The following PRR14L variants were observed in gnomAD, a reference collection of about 807,000 sequenced individuals.
PRR14L encodes protein PRR14L.
A neutral mutation model predicts 155.0 loss-of-function variants in PRR14L; 80 were observed. That is an observed-to-expected ratio of 0.52 (90% confidence interval 0.43 to 0.62). The LOEUF (loss-of-function observed/expected upper bound fraction) is 0.62, where lower values mean the gene tolerates loss of function less well. Among genes scored for constraint, PRR14L ranks in the 20% least tolerant of loss-of-function variants. The pLI is 0.00. For missense variants in PRR14L, 2,469 were observed against 2,548.0 expected (o/e 0.97, Z 0.67); for synonymous variants, 883 against 916.0 (o/e 0.96, Z 0.65).
chr22:31,735,824 G>A (rs1021916118), intron 2 of PRR14L, among the ~76,000 whole-genome samples: 2 of 151,704 alleles, frequency 1.3e-5, no homozygotes, highest in African/African-American at 2.4e-5. Context: ...TGAGGTGGGC[G>A]GATCACCTGA....
intron 1 of PRR14L, among the ~76,000 whole-genome samples, chr22:31,748,241 G>A (rs1219215225): frequency 6.6e-6 from 1 of 152,176 alleles, no homozygotes; most frequent in African/African-American, 2.4e-5. Context: ...TGGAGAATGG[G>A]CCTCTTCTTG....
Position 31,713,368 on chromosome 22 carries a change from C to A in PRR14L, c.4471G>T (p.Ala1491Ser), listed in dbSNP as rs1339906238. The change falls in exon 4 of 9, where the codon GCC becomes TCC. Residue 1491 changes from alanine to serine, a missense_variant. Physicochemically the swap from Ala to Ser is moderately conservative, Grantham distance 99. Around this residue, in one of 2 missense-constraint regions of PRR14L, gnomAD observed 2,363 missense variants for 2,371.6 expected, o/e 1.00. Transcript: ENST00000327423. ...ESCTSPCLLG[A>S]PRKAQDPSSA... ...GAGGGGTCTTGTGCTTTCCGAGGGG[C>A]ACCAAGAAGGCAAGGACTTGTGCAT... 3.2e-6 allele frequency: 5 copies of A among 1,552,140 alleles called. No individual in the cohort carries two copies. The highest frequency in any genetic ancestry group is 4.4e-6 in the Non-Finnish European group (5 of 1,147,088).
intron 8 of PRR14L, 141 bp from the exon 9 acceptor site, chr22:31,685,944 T>C: frequency 1.3e-6 from 1 of 747,366 alleles, no homozygotes; most frequent in Non-Finnish European, 2.1e-6. Flanking sequence ...TCTTTTTCTT[T>C]TTTTTGTGAG....
At chr22:31,728,614 A>G (rs982953273) in intron 2 of PRR14L, among the ~76,000 whole-genome samples, 3 of 151,718 alleles carry the variant, frequency 2.0e-5, no homozygotes, top group Non-Finnish European at 2.9e-5. Context: ...ATCTCGAAAA[A>G]AAAAAAAAAA....
chr22:31,691,878 T>A (rs1371416658), intron 7 of PRR14L, among the ~76,000 whole-genome samples: 10 of 152,120 alleles, frequency 6.6e-5, no homozygotes, highest in African/African-American at 9.7e-5. Flanking sequence ...ATTCCTTTTT[T>A]TTTTTTTGAG....
intron 3 of PRR14L, among the ~76,000 whole-genome samples, chr22:31,719,553 A>T (rs2074679226): frequency 6.6e-6 from 1 of 152,244 alleles, no homozygotes; most frequent in Admixed American, 6.5e-5. Flanking sequence ...GCACAAGAGC[A>T]CTTAATAAAT....
intron 3 of PRR14L, among the ~76,000 whole-genome samples, chr22:31,724,793 C>G (rs1175692785): frequency 6.6e-6 from 1 of 152,148 alleles, no homozygotes; most frequent in Non-Finnish European, 1.5e-5. Flanking sequence ...CTTACCTCAG[C>G]TACTCTCTTT....
rs146744723 is a variant in PRR14L, at chr22:31,715,232, T to G, written c.2607A>C (p.Gly869=). 75 of 1,552,350 alleles carry G rather than the reference T, an allele frequency of 4.8e-5. 2 individuals are homozygous for G. The African/African-American group carries it at 7.1e-4, about 15-fold the overall frequency. ...DGKETNGSLP[G]DKIRNKMVAG... ...CTACCATTTTGTTTCTGATCTTATC[T>G]CCTGGAAGGCTGCCATTCGTTTCTT... The change falls in exon 4 of 9, where the codon GGA becomes GGC. Residue 869 remains glycine, a synonymous_variant. Coordinates refer to ENST00000327423, the MANE Select transcript of PRR14L (RefSeq NM_173566.3).
At chr22:31,743,231 G>C (rs2074821732) in intron 1 of PRR14L, among the ~76,000 whole-genome samples, 1 of 152,140 alleles carries the variant, frequency 6.6e-6, no homozygotes, top group Non-Finnish European at 1.5e-5. Flanking sequence ...GAACCTGGGA[G>C]GCAGAGGGTG....
chr22:31,704,571 G>A (rs2074579640), intron 5 of PRR14L, 84 bp downstream of exon 5: 4 of 1,080,278 alleles, frequency 3.7e-6, no homozygotes, highest in Admixed American at 1.9e-5. Context: ...TGCCACAGAC[G>A]ATCCACACCA....
intron 7 of PRR14L, among the ~76,000 whole-genome samples, chr22:31,698,840 T>A (rs1487790183): frequency 1.3e-5 from 2 of 150,114 alleles, no homozygotes; most frequent in Non-Finnish European, 3.0e-5. Context: ...GAGAATGGCG[T>A]GAACCTGGGA....
At chr22:31,742,462 G>T (rs978879985) in intron 1 of PRR14L, among the ~76,000 whole-genome samples, 12 of 151,782 alleles carry the variant, frequency 7.9e-5, no homozygotes, top group African/African-American at 2.9e-4. Context: ...CTGCCTCCCA[G>T]GTTCAAGGAT....
chr22:31,717,857 T>C (rs565101819), intron 3 of PRR14L, among the ~76,000 whole-genome samples: 77 of 152,072 alleles, frequency 5.1e-4, no homozygotes, highest in Non-Finnish European at 1.1e-3. Flanking sequence ...ACCTCTCAGC[T>C]CAAGCAATTT....
At chr22:31,691,052 A>G (rs1219693469) in intron 7 of PRR14L, among the ~76,000 whole-genome samples, 1 of 148,704 alleles carries the variant, frequency 6.7e-6, no homozygotes, top group Non-Finnish European at 1.5e-5. Context: ...CAACATCCGC[A>G]TTCCGGGTTC....
At chr22:31,735,855 C>A (rs554769674) in intron 2 of PRR14L, among the ~76,000 whole-genome samples, 2 of 151,862 alleles carry the variant, frequency 1.3e-5, no homozygotes, top group South Asian at 2.1e-4. Flanking sequence ...TCGAGACCAG[C>A]CTGACCAACA....
chr22:31,701,815 A>G lies in PRR14L; in HGVS notation c.6001-53T>C. 2.1e-6 allele frequency: 3 copies of G among 1,445,178 alleles called. No homozygotes were observed. In the South Asian group the frequency reaches 3.5e-5, roughly 17 times the overall value. 89.5% of individuals were successfully genotyped at this position (1,445,178 alleles called of 1,614,324 possible). ...GGTCAAGCTGTAAGACATTTTATTTATATATTTTTTGAGACAAGGTCTCAC... is the reference window on the plus strand; with the variant it reads ...GGTCAAGCTGTAAGACATTTTATTTGTATATTTTTTGAGACAAGGTCTCAC... On this transcript the variant is annotated intron_variant, in intron 6 of 8. Transcript: ENST00000327423.
Position 31,716,867 on chromosome 22 carries a change from A to G in PRR14L, c.972T>C (p.Ser324=), listed in dbSNP as rs757768851. The G allele has an allele frequency of 7.8e-5, 121 of 1,551,258 alleles. No homozygotes were observed. The highest frequency in any genetic ancestry group is 7.3e-5 in the Non-Finnish European group (84 of 1,146,870). ...QLHGHHNEQP[S]STHDSPTATS... ...TGGCTGTGGGACTATCATGTGTAGA[A>G]CTGGGTTGTTCATTATGGTGGCCAT... The change falls in exon 4 of 9, where the codon AGT becomes AGC. Residue 324 remains serine, a synonymous_variant. Coordinates refer to ENST00000327423, the MANE Select transcript of PRR14L (RefSeq NM_173566.3).
intron 6 of PRR14L, 80 bp downstream of exon 6, chr22:31,703,470 G>GT: frequency 7.4e-7 from 1 of 1,353,848 alleles, no homozygotes; most frequent in Non-Finnish European, 1.0e-6. Flanking sequence ...AAGCCAGTCT[G>GT]TAGCTATAAT....
chr22:31,698,986 T>C (rs896680037), intron 7 of PRR14L, among the ~76,000 whole-genome samples: 1 of 152,130 alleles, frequency 6.6e-6, no homozygotes, highest in Admixed American at 6.6e-5. Context: ...AGCAGTATCA[T>C]GCTTTCTACC....
Sources: gnomAD v4.1 joint callset for allele counts (sites outside exome capture counted in the v4.1 genomes callset) on GRCh38, gnomAD v4.1.1 for gene constraint, gnomAD v4.1.1 regional missense constraint, MANE v1.5 for transcripts, NCBI Gene and HGNC (gene_info 2026-07-23, HGNC 2026-07-21) for gene names.